ZFPM2: variants seen among roughly 807,000 people sequenced by gnomAD.
ZFPM2 encodes zinc finger protein, FOG family member 2, also known as zinc finger protein ZFPM2.
In ZFPM2, 20 loss-of-function variants were observed where a neutral mutation model predicts 98.6. That is an observed-to-expected ratio of 0.20 (90% CI 0.14 to 0.29). The LOEUF (loss-of-function observed/expected upper bound fraction) is 0.29, where lower values mean the gene tolerates loss of function less well. Ranked by LOEUF, ZFPM2 falls within the 10% of genes least tolerant of loss-of-function variation. The pLI is 1.00. For synonymous variants in ZFPM2, 518 were observed against 502.7 expected (o/e 1.03, Z -0.41); for missense variants, 1,310 against 1,388.6 (o/e 0.94, Z 0.90).
intron 3 of ZFPM2, among the ~76,000 whole-genome samples, chr8:105,482,995 TTTCCTTCCTTCCTTCCTTCC>T (rs372199307): frequency 1.3e-3 from 65 of 51,462 alleles, no homozygotes; most frequent in African/African-American, 5.1e-3. Context: ...CCCCCCATCC[TTTCCTTCCTTCCTTCCTTCC>T]TTCCTTCCTT....
intron 5 of ZFPM2, among the ~76,000 whole-genome samples, chr8:105,750,852 A>G (rs1812458435): frequency 6.6e-6 from 1 of 152,054 alleles, no homozygotes; most frequent in African/African-American, 2.4e-5. Flanking sequence ...GGAAATATAC[A>G]AAAAGGATTT....
At chr8:105,701,990 A>G (rs1188627438) in intron 5 of ZFPM2, among the ~76,000 whole-genome samples, 2 of 152,210 alleles carry the variant, frequency 1.3e-5, no homozygotes, top group African/African-American at 2.4e-5. Context: ...ATTAAATGTA[A>G]CATAATTAAA....
At chr8:105,549,485 A>G (rs1424959131) in intron 3 of ZFPM2, among the ~76,000 whole-genome samples, 1 of 141,824 alleles carries the variant, frequency 7.1e-6, no homozygotes, top group Non-Finnish European at 1.5e-5. Flanking sequence ...AGAAAAGCTC[A>G]CAAATCTTCT....
chr8:105,775,663 G>C (rs144998305), intron 5 of ZFPM2, among the ~76,000 whole-genome samples: 1 of 152,046 alleles, frequency 6.6e-6, no homozygotes, highest in Non-Finnish European at 1.5e-5. Context: ...TTGACAGCTC[G>C]CCTTTGGGGT....
intron 2 of ZFPM2, among the ~76,000 whole-genome samples, chr8:105,423,772 C>A (rs529817957): frequency 6.6e-6 from 1 of 152,224 alleles, no homozygotes; most frequent in East Asian, 1.9e-4. Flanking sequence ...GTAGTTATGT[C>A]ACTACTGGCA....
chr8:105,533,840 TCTTC>T (rs1464327945), intron 3 of ZFPM2, among the ~76,000 whole-genome samples: 9 of 27,672 alleles, frequency 3.3e-4, no homozygotes, highest in Admixed American at 2.8e-3. Context: ...CCTCCCTCCC[TCTTC>T]CTTCCTTCCT....
rs572629732 is a variant in ZFPM2, at chr8:105,787,845, T to G, written c.533-873T>G. On this transcript the variant is annotated intron_variant, in intron 5 of 7. Transcript: ENST00000407775. ...TGTAGATAACAAAATATAAGTGCTT[T>G]GCCTGTCTAAACATGTTAAATAAAC... Among the ~76,000 whole-genome samples, 23 of 152,226 alleles carry G rather than the reference T, an allele frequency of 1.5e-4. No individual in the cohort carries two copies. In the South Asian group the frequency reaches 4.6e-3, roughly 30 times the overall value.
At chr8:105,501,352 T>C (rs760848193) in intron 3 of ZFPM2, among the ~76,000 whole-genome samples, 4 of 151,762 alleles carry the variant, frequency 2.6e-5, no homozygotes, top group Non-Finnish European at 4.4e-5. Context: ...TTGGCTAATT[T>C]ATTTGTATTT....
chr8:105,617,058 A>AAAAAAAAC (rs1816434927), intron 4 of ZFPM2, among the ~76,000 whole-genome samples: 2 of 129,614 alleles, frequency 1.5e-5, no homozygotes, highest in Non-Finnish European at 3.3e-5. Context: ...AAAAAAAAAA[A>AAAAAAAAC]AAGATCCACA....
intron 4 of ZFPM2, among the ~76,000 whole-genome samples, chr8:105,633,037 G>C (rs1424472355): frequency 2.0e-5 from 3 of 152,124 alleles, no homozygotes; most frequent in Non-Finnish European, 2.9e-5. Flanking sequence ...ATAGTTTTCA[G>C]TACGGCTTTG....
chr8:105,611,380 A>T (rs1375852300), intron 4 of ZFPM2, among the ~76,000 whole-genome samples: 2 of 152,292 alleles, frequency 1.3e-5, no homozygotes, highest in South Asian at 2.1e-4. Flanking sequence ...ATTCAGTCAG[A>T]TTGCCTTCCT....
chr8:105,455,467 A>G (rs1386263356), intron 3 of ZFPM2, among the ~76,000 whole-genome samples: 1 of 152,164 alleles, frequency 6.6e-6, no homozygotes, highest in Non-Finnish European at 1.5e-5. Context: ...AGAGAGTGGT[A>G]TAAGATGAAG....
chr8:105,472,653 C>G (rs1478462582), intron 3 of ZFPM2, among the ~76,000 whole-genome samples: 1 of 152,058 alleles, frequency 6.6e-6, no homozygotes, highest in Non-Finnish European at 1.5e-5. Context: ...CAGGCGCCCA[C>G]CATCGCACCC....
chr8:105,731,840 A>G (rs748606492), intron 5 of ZFPM2, among the ~76,000 whole-genome samples: 24 of 151,838 alleles, frequency 1.6e-4, no homozygotes, highest in Non-Finnish European at 2.5e-4. Flanking sequence ...TGTCATATGA[A>G]TAAGTGTTGC....
At chr8:105,374,537 C>T (rs376147232) in intron 1 of ZFPM2, among the ~76,000 whole-genome samples, 1 of 151,976 alleles carries the variant, frequency 6.6e-6, no homozygotes, top group African/African-American at 2.4e-5. Context: ...AGGTGCACAC[C>T]GCCACACCCG....
chr8:105,445,945 G>C (rs1423415202), intron 3 of ZFPM2, among the ~76,000 whole-genome samples: 2 of 150,210 alleles, frequency 1.3e-5, no homozygotes, highest in African/African-American at 4.9e-5. Flanking sequence ...TTTTGAGACA[G>C]AGTCTCACTC....
chr8:105,395,857 T>G (rs1436778841), intron 1 of ZFPM2, among the ~76,000 whole-genome samples: 1 of 152,176 alleles, frequency 6.6e-6, no homozygotes, highest in Non-Finnish European at 1.5e-5. Flanking sequence ...AATCAAGGTT[T>G]AAATGCAGGA....
chr8:105,722,541 TG>T (rs1457281982), intron 5 of ZFPM2, among the ~76,000 whole-genome samples: 2 of 151,912 alleles, frequency 1.3e-5, no homozygotes, highest in Non-Finnish European at 2.9e-5. Context: ...ACACATATTT[TG>T]TATGTTATGT....
At chr8:105,627,444 A>G (rs556604670) in intron 4 of ZFPM2, among the ~76,000 whole-genome samples, 2 of 152,140 alleles carry the variant, frequency 1.3e-5, no homozygotes, top group Non-Finnish European at 2.9e-5. Context: ...AAGACATTCC[A>G]GTTTAAGTGA....
Sources: allele counts gnomAD v4.1 joint callset (sites outside exome capture counted in the v4.1 genomes callset), GRCh38; gene constraint gnomAD v4.1.1; transcripts MANE v1.5; gene names NCBI Gene and HGNC (gene_info 2026-07-23, HGNC 2026-07-21).